Variants in UMAD1 observed in about 807,000 individuals in gnomAD.
UMAD1 encodes the protein UBAP1-MVB12-associated (UMA)-domain containing protein 1.
UMAD1 carries 8 observed loss-of-function variants against 6.1 expected under a neutral mutation model. The observed-to-expected ratio is 1.30, with a 90% CI of 0.76 to 2.35. The LOEUF (loss-of-function observed/expected upper bound fraction) is 2.35. UMAD1 is among the 30% of genes most tolerant of loss of function. The probability of loss-of-function intolerance (pLI) is 0.00; values close to 1 mark genes in which losing one functional copy is unlikely to be tolerated. For missense variants in UMAD1, 130 were observed against 78.4 expected, an observed-to-expected ratio of 1.66 and a Z score of -2.49; for synonymous variants, 56 against 31.4, an observed-to-expected ratio of 1.78 and a Z score of -2.61.
In UMAD1 at chr7:7,814,518, G is replaced by GT. The variant is rs772918913; in HGVS notation, c.156+12776dup. 5.9e-5 allele frequency among the ~76,000 whole-genome samples: 9 copies of GT among 151,958 alleles called. No individual in the cohort carries two copies. The East Asian group carries it at 1.5e-3, about 26-fold the overall frequency. On this transcript the variant is annotated intron_variant, in intron 3 of 3. Transcript: ENST00000682710. ...CTCCTGTTCTATATTTTTCCTGGAC[G>GT]TAATTTTTAAATTTATTGTGAGTCT...
intron 3 of UMAD1, among the ~76,000 whole-genome samples, chr7:7,821,060 T>C (rs1327718993): frequency 6.6e-6 from 1 of 152,180 alleles, no homozygotes; most frequent in Non-Finnish European, 1.5e-5. Flanking sequence ...TGGTATAGCT[T>C]TCTGGTATTT....
At chr7:7,804,912 C>T (rs192198261) in intron 3 of UMAD1, among the ~76,000 whole-genome samples, 1,855 of 151,770 alleles carry the variant, frequency 0.012, 34 homozygotes, top group East Asian at 0.089. Flanking sequence ...ACCTGGGAGG[C>T]GGGGGTTGCA....
At chr7:7,673,170 A>G in intron 1 of UMAD1, 139 bp from the exon 2 acceptor site, 1 of 683,532 alleles carries the variant, frequency 1.5e-6, no homozygotes, top group South Asian at 1.6e-5. Context: ...ACATCTAGAG[A>G]AGGCTCATGG....
intron 2 of UMAD1, among the ~76,000 whole-genome samples, chr7:7,720,439 C>T (rs1011497946): frequency 6.6e-6 from 1 of 152,006 alleles, no homozygotes; most frequent in Non-Finnish European, 1.5e-5. Context: ...TCATTTCCCC[C>T]CCTAACTTAC....
Position 7,818,133 on chromosome 7 carries a change from C to G in UMAD1, c.156+16390C>G, listed in dbSNP as rs1002788789. The stretch of plus-strand genomic sequence containing the variant: ...TTAGTTATTTTTTCTGCTTCTCTCC[C>G]TCCTCCCACCTTCCACCCTCTGATA... On this transcript the variant is annotated intron_variant, in intron 3 of 3. Coordinates refer to ENST00000682710, the MANE Select transcript of UMAD1 (RefSeq NM_001302348.2). Among the ~76,000 whole-genome samples, 6 of 152,138 alleles carry G rather than the reference C, an allele frequency of 3.9e-5. No homozygotes were observed. The East Asian group carries it at 1.2e-3, about 29-fold the overall frequency.
intron 3 of UMAD1, among the ~76,000 whole-genome samples, chr7:7,841,693 G>C (rs1312965576): frequency 6.6e-6 from 1 of 152,188 alleles, no homozygotes; most frequent in Non-Finnish European, 1.5e-5. Flanking sequence ...CATGCAAGCA[G>C]CTTAGAAAAG....
At chr7:7,803,521 G>A (rs552663669) in intron 3 of UMAD1, among the ~76,000 whole-genome samples, 1 of 152,150 alleles carries the variant, frequency 6.6e-6, no homozygotes, top group Non-Finnish European at 1.5e-5. Context: ...CACCAGGATG[G>A]TTCAAAAATC....
At chr7:7,720,417 C>G (rs891843932) in intron 2 of UMAD1, among the ~76,000 whole-genome samples, 2 of 152,090 alleles carry the variant, frequency 1.3e-5, no homozygotes, top group African/African-American at 4.8e-5. Flanking sequence ...TCCCAGGCAT[C>G]TGTGTTTTTA....
intron 1 of UMAD1, among the ~76,000 whole-genome samples, chr7:7,650,639 G>A (rs951514827): frequency 2.6e-5 from 4 of 152,172 alleles, no homozygotes; most frequent in African/African-American, 9.7e-5. Context: ...TATTACCACA[G>A]TTAATAAGTA....
intron 1 of UMAD1, among the ~76,000 whole-genome samples, chr7:7,671,436 T>G (rs894535680): frequency 2.0e-5 from 3 of 152,214 alleles, no homozygotes; most frequent in African/African-American, 7.2e-5. Flanking sequence ...ACACTGAGGT[T>G]TTAATATCAG....
At chr7:7,766,635 T>G (rs1393127892) in intron 2 of UMAD1, among the ~76,000 whole-genome samples, 1 of 152,346 alleles carries the variant, frequency 6.6e-6, no homozygotes, top group East Asian at 1.9e-4. Context: ...ATTTTTTTCC[T>G]TCTTATATTG....
At chr7:7,664,592 T>C (rs1462283271) in intron 1 of UMAD1, among the ~76,000 whole-genome samples, 1 of 152,238 alleles carries the variant, frequency 6.6e-6, no homozygotes, top group African/African-American at 2.4e-5. Context: ...CCCACTATGC[T>C]TTTTGTTCAT....
At chr7:7,764,419 G>A (rs1021296884) in intron 2 of UMAD1, among the ~76,000 whole-genome samples, 6 of 152,282 alleles carry the variant, frequency 3.9e-5, no homozygotes, top group African/African-American at 1.4e-4. Context: ...TAAGTAGTAA[G>A]GCAATATGAA....
chr7:7,731,947 C>T (rs1285574557), intron 2 of UMAD1, among the ~76,000 whole-genome samples: 2 of 152,064 alleles, frequency 1.3e-5, no homozygotes, highest in African/African-American at 4.8e-5. Context: ...GATTCATTTT[C>T]CTTATCTGTA....
At chr7:7,647,547 C>T (rs1209540716) in intron 1 of UMAD1, among the ~76,000 whole-genome samples, 3 of 152,178 alleles carry the variant, frequency 2.0e-5, no homozygotes, top group African/African-American at 7.2e-5. Flanking sequence ...AAATATGTGA[C>T]ATAGCCTATA....
chr7:7,689,048 C>G (rs1780108107), intron 2 of UMAD1, among the ~76,000 whole-genome samples: 1 of 152,156 alleles, frequency 6.6e-6, no homozygotes, highest in Non-Finnish European at 1.5e-5. Context: ...TCCTTTACTT[C>G]CCTACCTCTG....
chr7:7,856,548 G>A (rs1351452749), intron 3 of UMAD1, among the ~76,000 whole-genome samples: 1 of 152,182 alleles, frequency 6.6e-6, no homozygotes, highest in Non-Finnish European at 1.5e-5. Flanking sequence ...TACAATTCAA[G>A]ATGAGATTTT....
At chr7:7,766,446 G>C (rs1347582850) in intron 2 of UMAD1, among the ~76,000 whole-genome samples, 1 of 152,128 alleles carries the variant, frequency 6.6e-6, no homozygotes, top group African/African-American at 2.4e-5. Flanking sequence ...TAGTATACCA[G>C]CTGCAAGTCC....
chr7:7,713,003 G>T (rs1041569218), intron 2 of UMAD1, among the ~76,000 whole-genome samples: 2 of 152,014 alleles, frequency 1.3e-5, no homozygotes, highest in Admixed American at 1.3e-4. Context: ...AGCCTATTGT[G>T]TCAATTTGGT....
Sources: gnomAD v4.1 joint callset for allele counts (sites outside exome capture counted in the v4.1 genomes callset) on GRCh38, gnomAD v4.1.1 for gene constraint, MANE v1.5 for transcripts, NCBI Gene and HGNC (gene_info 2026-07-23, HGNC 2026-07-21) for gene names.